Variants in DZIP1 observed in about 807,000 individuals in gnomAD.
DZIP1 encodes the protein cilium assembly protein DZIP1.
DZIP1 carries 97 observed loss-of-function variants against 107.6 expected under a neutral mutation model. The observed-to-expected ratio is 0.90, with a 90% CI of 0.77 to 1.07. DZIP1 has a LOEUF of 1.07. Ranked by LOEUF, DZIP1 falls within the 50% of genes least tolerant of loss-of-function variation. The pLI, the probability that DZIP1 is intolerant of heterozygous loss-of-function variation, is 0.00. For missense variants in DZIP1, 1,035 were observed against 1,063.6 expected, an observed-to-expected ratio of 0.97 and a Z score of 0.37; for synonymous variants, 390 against 386.4, an observed-to-expected ratio of 1.01 and a Z score of -0.11.
In DZIP1 at chr13:95,612,152, C is replaced by A; in HGVS notation, c.1199G>T (p.Arg400Leu). 3 of 1,612,308 alleles carry A rather than the reference C, an allele frequency of 1.9e-6. No homozygotes were observed. Among genetic ancestry groups the A allele is most frequent in the Middle Eastern group, 3.3e-4 (2 of 6,062 alleles). Residue 400 changes from arginine to leucine, a missense_variant, in exon 11 of 23, where the codon CGA becomes CTA. By Grantham distance (102) the Arg-to-Leu change is moderately radical. Transcript: ENST00000376829. ...GRLLSHIEKL[R>L]TSMIDDLNAS... ...ATTTAGATCATCTATCATTGAGGTTCGAAGTTTCTCTATATGTGACAGGAG... is the reference window on the plus strand; with the variant it reads ...ATTTAGATCATCTATCATTGAGGTTAGAAGTTTCTCTATATGTGACAGGAG...
In DZIP1 at chr13:95,610,109, T is replaced by TGAGAGAGAGAGA. The variant is rs1434649198; in HGVS notation, c.1364-597_1364-596insTCTCTCTCTCTC. On this transcript the variant is annotated intron_variant, in intron 12 of 22. Coordinates refer to ENST00000376829, the MANE Select transcript of DZIP1 (RefSeq NM_198968.4). ...GTGTGTGTGTGTGTGTGTGTGTGTG[T>TGAGAGAGAGAGA]GTGAGAGAGAGACAGAGAGAGAGAG... 2.4e-5 allele frequency among the ~76,000 whole-genome samples: 3 copies of TGAGAGAGAGAGA among 125,572 alleles called. 1 individual carries two copies. The highest frequency in any genetic ancestry group is 2.4e-4 in the East Asian group (1 of 4,158). 82.4% of individuals were successfully genotyped at this position (125,572 alleles called of 152,430 possible).
chr13:95,635,761 G>A (rs1343475138), intron 5 of DZIP1, among the ~76,000 whole-genome samples: 1 of 152,184 alleles, frequency 6.6e-6, no homozygotes, highest in Non-Finnish European at 1.5e-5. Context: ...TCCTAACAGA[G>A]ACAGAGACCA....
intron 10 of DZIP1, among the ~76,000 whole-genome samples, chr13:95,612,542 C>A (rs375811990): frequency 1.3e-5 from 2 of 152,206 alleles, no homozygotes; most frequent in Non-Finnish European, 2.9e-5. Context: ...CCTTCCGATG[C>A]CCACATGGGC....
At chr13:95,616,438 C>A (rs982066958) in intron 10 of DZIP1, among the ~76,000 whole-genome samples, 1 of 152,204 alleles carries the variant, frequency 6.6e-6, no homozygotes, top group Non-Finnish European at 1.5e-5. Flanking sequence ...GTGCCAACCA[C>A]ATTTCAGACA....
intron 7 of DZIP1, among the ~76,000 whole-genome samples, chr13:95,627,755 C>G (rs1023070133): frequency 6.6e-6 from 1 of 152,152 alleles, no homozygotes; most frequent in Non-Finnish European, 1.5e-5. Context: ...CATAAAATTA[C>G]CATATGACTC....
chr13:95,597,884 C>T (rs1389775120), intron 15 of DZIP1, among the ~76,000 whole-genome samples: 1 of 152,142 alleles, frequency 6.6e-6, no homozygotes, highest in East Asian at 1.9e-4. Context: ...GCTAATAGTG[C>T]AGCTTGAACA....
chr13:95,582,632 G>A (rs758462897), intron 22 of DZIP1, among the ~76,000 whole-genome samples: 1 of 152,334 alleles, frequency 6.6e-6, no homozygotes, highest in African/African-American at 2.4e-5. Flanking sequence ...TGTTGAAGGT[G>A]CTCAGTACAT....
chr13:95,587,452 G>A (rs2044190531), intron 20 of DZIP1, 87 bp downstream of exon 20: 2 of 1,531,268 alleles, frequency 1.3e-6, no homozygotes, highest in Non-Finnish European at 1.8e-6. Flanking sequence ...CACCCTCCCA[G>A]CTCAGACTCC....
intron 14 of DZIP1, among the ~76,000 whole-genome samples, chr13:95,604,822 G>T: frequency 6.6e-6 from 1 of 152,266 alleles, no homozygotes. Flanking sequence ...ACAAAGGGAC[G>T]CAACAGAGAG....
At position 95,587,542 on chromosome 13, in the gene DZIP1, C is replaced by T. The variant is rs376315570; in HGVS notation, c.2215G>A (p.Ala739Thr). 2 of 1,613,678 alleles carry T rather than the reference C, an allele frequency of 1.2e-6. No individual in the cohort carries two copies. Among genetic ancestry groups the T allele is most frequent in the Non-Finnish European group, 1.7e-6 (2 of 1,179,730 alleles). ...GTTTTCCAAGGTAACAGCTCACCTG[C>T]GGGCTTGGGAGAATCATCAGTGTCC... The part of the protein sequence containing the change: ...IEDTDDSPKP[A>T]GVAVKTPTEK... Residue 739 changes from alanine (A) to threonine (T), a missense_variant, in exon 20 of 23, where the codon GCA (alanine) becomes ACA (threonine). Coordinates refer to ENST00000376829, the MANE Select transcript of DZIP1 (RefSeq NM_198968.4).
At chr13:95,589,053 A>G (rs2044240341) in intron 19 of DZIP1, 101 bp downstream of exon 19, 2 of 910,342 alleles carry the variant, frequency 2.2e-6, no homozygotes, top group East Asian at 2.5e-5. Flanking sequence ...TTAAATAATT[A>G]CGGCTTCATT....
intron 10 of DZIP1, among the ~76,000 whole-genome samples, chr13:95,615,344 G>A (rs1015498462): frequency 2.6e-5 from 4 of 152,122 alleles, no homozygotes; most frequent in South Asian, 2.1e-4. Flanking sequence ...TCCCACCCCC[G>A]ATTAATAAAG....
intron 14 of DZIP1, among the ~76,000 whole-genome samples, chr13:95,603,039 G>T (rs2044664525): frequency 6.6e-6 from 1 of 152,152 alleles, no homozygotes; most frequent in South Asian, 2.1e-4. Context: ...ATGTTTCTAA[G>T]TGGGAGCGGT....
Position 95,582,305 on chromosome 13 carries a change from C to T in DZIP1, c.2533G>A (p.Glu845Lys). 1 of 1,614,106 alleles carries T rather than the reference C, an allele frequency of 6.2e-7. No individual in the cohort carries two copies. The highest frequency in any genetic ancestry group is 8.5e-7 in the Non-Finnish European group (1 of 1,180,004). The change falls in exon 23 of 23, where the codon GAA (glutamate) becomes AAA (lysine). Residue 845 changes from glutamate to lysine, a missense_variant. By Grantham distance (56) the Glu-to-Lys change is moderately conservative. Transcript: ENST00000376829. ...PKGPKGEGLQENESSTLKSSL... is the reference protein window; with the variant it reads ...PKGPKGEGLQKNESSTLKSSL... Reference sequence around the variant, plus strand: ...CTTTTTAATGTGCTTGATTCATTTTCTTGAAGTCCTGTAAGTGGTGGGTAG... The same window carrying T: ...CTTTTTAATGTGCTTGATTCATTTTTTTGAAGTCCTGTAAGTGGTGGGTAG...
rs1448735939 is a variant in DZIP1, at chr13:95,590,338, C to T, written c.1784G>A (p.Arg595Gln). 1 of 1,613,902 alleles carries T rather than the reference C, an allele frequency of 6.2e-7. No individual in the cohort carries two copies. The highest frequency in any genetic ancestry group is 2.2e-5 in the East Asian group (1 of 44,872). Residue 595 changes from arginine to glutamine, a missense_variant, in exon 17 of 23, where the codon CGA becomes CAA. By Grantham distance (43) the Arg-to-Gln change is conservative (BLOSUM62 1). Coordinates refer to ENST00000376829, the MANE Select transcript of DZIP1 (RefSeq NM_198968.4). Reference sequence around the variant, plus strand: ...GCTGACTTGATGTTCAAGGAATTCTCGAATTTGATGAAAGTTAGGTATTTC... The same window carrying T: ...GCTGACTTGATGTTCAAGGAATTCTTGAATTTGATGAAAGTTAGGTATTTC... Reference protein sequence around the residue: ...EREIPNFHQIREFLEHQVSCK... With the variant: ...EREIPNFHQIQEFLEHQVSCK...
At chr13:95,609,409 G>A (rs1174503224) in intron 13 of DZIP1, 48 bp downstream of exon 13, 3 of 1,305,874 alleles carry the variant, frequency 2.3e-6, no homozygotes, top group Non-Finnish European at 3.1e-6. Flanking sequence ...TTTTGGTTTA[G>A]CATTTTAAAG....
At chr13:95,602,443 A>T (rs1390450478) in intron 14 of DZIP1, among the ~76,000 whole-genome samples, 1 of 152,152 alleles carries the variant, frequency 6.6e-6, no homozygotes, top group African/African-American at 2.4e-5. Flanking sequence ...AATTATAAGC[A>T]TGTGGTCTCC....
chr13:95,617,999 T>C (rs1171210383), intron 10 of DZIP1: 1 of 518,926 alleles, frequency 1.9e-6, no homozygotes, highest in African/African-American at 1.9e-5. Flanking sequence ...AAGAACTTCA[T>C]CTTAGGCATG....
chr13:95,617,985 A>G, intron 10 of DZIP1: 1 of 518,988 alleles, frequency 1.9e-6, no homozygotes, highest in Non-Finnish European at 3.8e-6. Context: ...TGGGGAACAA[A>G]CCCAAGAACT....
Sources: allele counts gnomAD v4.1 joint callset (sites outside exome capture counted in the v4.1 genomes callset), GRCh38; gene constraint gnomAD v4.1.1; transcripts MANE v1.5; gene names NCBI Gene and HGNC (gene_info 2026-07-23, HGNC 2026-07-21).